The following MARCHF6 variants were observed in gnomAD, a reference collection of about 807,000 sequenced individuals.
The protein encoded by MARCHF6 is membrane associated ring-CH-type finger 6.
Under a neutral mutation model 133.7 loss-of-function variants are expected in MARCHF6, and 31 were observed. That is an observed-to-expected ratio of 0.23 (90% confidence interval 0.17 to 0.31). The LOEUF (loss-of-function observed/expected upper bound fraction) is 0.31. Ranked by LOEUF, MARCHF6 falls within the 10% of genes least tolerant of loss-of-function variation. The pLI is 1.00. For synonymous variants in MARCHF6, 395 were observed against 402.5 expected, an observed-to-expected ratio of 0.98 and a Z score of 0.22; for missense variants, 723 against 1,121.6, an observed-to-expected ratio of 0.64 and a Z score of 5.08.
Position 10,363,351 on chromosome 5 carries a change from A to G in MARCHF6, c.19+9434A>G, listed in dbSNP as rs189293906. The stretch of plus-strand genomic sequence containing the variant: ...TAACTCAGTTTTTAAAATGGTCCAA[A>G]GATTTGTATAGACACTTCACTAAAA... On this transcript the variant is annotated intron_variant, in intron 1 of 25. Coordinates refer to ENST00000274140, the MANE Select transcript of MARCHF6 (RefSeq NM_005885.4). Among the ~76,000 whole-genome samples the G allele has an allele frequency of 3.7e-4, 56 of 152,340 alleles. 1 individual carries two copies. In the East Asian group the frequency reaches 9.4e-3, roughly 26 times the overall value.
At chr5:10,364,260 ACTT>A (rs760851718) in intron 1 of MARCHF6, among the ~76,000 whole-genome samples, 2 of 152,130 alleles carry the variant, frequency 1.3e-5, no homozygotes, top group South Asian at 2.1e-4. Context: ...GTGGTACACC[ACTT>A]CTTCTGGGGA....
chr5:10,354,929 G>C (rs984297881), intron 1 of MARCHF6, among the ~76,000 whole-genome samples: 2 of 152,062 alleles, frequency 1.3e-5, no homozygotes, highest in Non-Finnish European at 2.9e-5. Flanking sequence ...GTAATGAGTT[G>C]ATAACGACTT....
intron 9 of MARCHF6, 145 bp from the exon 10 acceptor site, chr5:10,397,148 T>G: frequency 1.9e-6 from 1 of 536,898 alleles, no homozygotes; most frequent in Non-Finnish European, 3.3e-6. Context: ...ATATTATGTC[T>G]AGATTGAAAT....
intron 1 of MARCHF6, among the ~76,000 whole-genome samples, chr5:10,360,741 T>A (rs1340610283): frequency 6.6e-6 from 1 of 152,112 alleles, no homozygotes; most frequent in African/African-American, 2.4e-5. Flanking sequence ...GGTAGCTGGG[T>A]GGTGGTGGGA....
At chr5:10,377,254 C>G (rs1011383466) in intron 1 of MARCHF6, among the ~76,000 whole-genome samples, 2 of 152,032 alleles carry the variant, frequency 1.3e-5, no homozygotes, top group Admixed American at 6.5e-5. Context: ...TGGGGTATCC[C>G]CTCCCCCCAC....
rs777748392 is a variant in MARCHF6, at chr5:10,402,574, C to T, written c.1164C>T (p.Leu388=). ...LVVVEIGVFP[L]ICGWWLDICS... ...TGGTAGAAATTGGAGTATTCCCTCT[C>T]ATTTGTGGTTGGTGGCTGGATATCT... is the stretch of plus-strand genomic sequence containing the variant. Residue 388 remains leucine (L), a synonymous_variant, in exon 14 of 26, where the codon CTC becomes CTT. Transcript: ENST00000274140. 1 of 1,613,754 alleles carries T rather than the reference C, an allele frequency of 6.2e-7. No individual in the cohort carries two copies. Among genetic ancestry groups the T allele is most frequent in the African/African-American group, 1.3e-5 (1 of 74,908 alleles).
intron 2 of MARCHF6, 144 bp downstream of exon 2, chr5:10,378,038 G>A (rs1262210257): frequency 7.4e-6 from 4 of 542,496 alleles, no homozygotes; most frequent in African/African-American, 3.8e-5. Context: ...AACTGAAAAA[G>A]CCCTTTTATT....
At chr5:10,407,827 A>G (rs984841180) in intron 17 of MARCHF6, among the ~76,000 whole-genome samples, 4 of 152,086 alleles carry the variant, frequency 2.6e-5, no homozygotes, top group East Asian at 1.9e-4. Flanking sequence ...GTGGTGGCGC[A>G]TGCCTGTAAT....
intron 4 of MARCHF6, among the ~76,000 whole-genome samples, chr5:10,385,869 AAC>A (rs1193401266): frequency 6.6e-6 from 1 of 152,250 alleles, no homozygotes; most frequent in Non-Finnish European, 1.5e-5. Flanking sequence ...TACAAGATTT[AAC>A]AGTTATTAAT....
At chr5:10,354,149 C>T (rs971245052) in intron 1 of MARCHF6, among the ~76,000 whole-genome samples, 1 of 151,886 alleles carries the variant, frequency 6.6e-6, no homozygotes, top group African/African-American at 2.4e-5. Flanking sequence ...GGGCAGGGGC[C>T]GGGGCCGGGG....
At chr5:10,384,305 A>G (rs1489529719) in intron 4 of MARCHF6, among the ~76,000 whole-genome samples, 1 of 149,958 alleles carries the variant, frequency 6.7e-6, no homozygotes, top group Non-Finnish European at 1.5e-5. Context: ...ATAAAAGGCA[A>G]TTGAATTCTG....
chr5:10,381,450 A>G (rs540451703), intron 3 of MARCHF6, among the ~76,000 whole-genome samples: 1 of 152,148 alleles, frequency 6.6e-6, no homozygotes, highest in Non-Finnish European at 1.5e-5. Flanking sequence ...GCTTTATTAC[A>G]TCTTTTATAG....
At chr5:10,395,662 G>T (rs534859976) in intron 9 of MARCHF6, among the ~76,000 whole-genome samples, 1 of 152,206 alleles carries the variant, frequency 6.6e-6, no homozygotes, top group Non-Finnish European at 1.5e-5. Context: ...AACCCCTGCT[G>T]GTTGGAACAT....
intron 22 of MARCHF6, among the ~76,000 whole-genome samples, chr5:10,420,864 G>A (rs1739788345): frequency 6.6e-6 from 1 of 152,136 alleles, no homozygotes; most frequent in Non-Finnish European, 1.5e-5. Context: ...TATTTATTAA[G>A]ATAACCATTC....
intron 5 of MARCHF6, 106 bp downstream of exon 5, chr5:10,387,172 A>G (rs565785575): frequency 2.5e-6 from 2 of 791,086 alleles, no homozygotes; most frequent in East Asian, 5.6e-5. Context: ...TGTTTTGAGA[A>G]CAATAATTTA....
At position 10,373,231 on chromosome 5, in the gene MARCHF6, T is replaced by G. The variant is rs1736569762; in HGVS notation, c.20-4567T>G. ...AGAGTTGTTGGGTTTGCTTAGTATCTTGTTTGTTGGTTTGTCATTCAGAAG... is the reference window on the plus strand; with the variant it reads ...AGAGTTGTTGGGTTTGCTTAGTATCGTGTTTGTTGGTTTGTCATTCAGAAG... On this transcript the variant is annotated intron_variant, in intron 1 of 25. Transcript: ENST00000274140. 2.6e-5 allele frequency among the ~76,000 whole-genome samples: 4 copies of G among 152,096 alleles called. No individual in the cohort carries two copies. The South Asian group carries it at 8.3e-4, about 32-fold the overall frequency.
chr5:10,355,337 G>C (rs1381933869), intron 1 of MARCHF6, among the ~76,000 whole-genome samples: 1 of 152,186 alleles, frequency 6.6e-6, no homozygotes, highest in African/African-American at 2.4e-5. Context: ...CATCCTTTTA[G>C]ATTCAGGTTT....
Position 10,433,877 on chromosome 5 carries a change from C to T in MARCHF6, c.*193C>T. 1.7e-6 allele frequency: 1 copy of T among 580,044 alleles called. No homozygotes were observed. Among genetic ancestry groups the T allele is most frequent in the Non-Finnish European group, 3.1e-6 (1 of 322,330 alleles). The allele number at this position is 580,044 out of a possible 1,614,324, so 35.9% of individuals were successfully genotyped here. A position where few individuals can be genotyped will look rare whatever the true frequency, so the allele number is the denominator to read the frequency against. On this transcript the variant is annotated 3_prime_UTR_variant, in exon 26 of 26. Coordinates refer to ENST00000274140, the MANE Select transcript of MARCHF6 (RefSeq NM_005885.4). The stretch of plus-strand genomic sequence containing the variant: ...CTGGATCTTCTGACATTACTGCTGT[C>T]TGAGATTTGTATATGTGTAAATACA...
intron 10 of MARCHF6, among the ~76,000 whole-genome samples, chr5:10,398,423 C>G (rs1437394083): frequency 6.6e-6 from 1 of 152,126 alleles, no homozygotes; most frequent in African/African-American, 2.4e-5. Context: ...TCGGATACTT[C>G]CATTGATTTC....
Sources: gnomAD v4.1 joint callset for allele counts (sites outside exome capture counted in the v4.1 genomes callset) on GRCh38, gnomAD v4.1.1 for gene constraint, MANE v1.5 for transcripts, NCBI Gene and HGNC (gene_info 2026-07-23, HGNC 2026-07-21) for gene names.